The following GLRA3 variants were observed in gnomAD, a reference collection of about 807,000 sequenced individuals.
GLRA3 encodes the protein glycine receptor alpha 3.
Under a neutral mutation model 60.4 loss-of-function variants are expected in GLRA3, and 44 were observed. That is an observed-to-expected ratio of 0.73 (90% CI 0.57 to 0.94). The LOEUF is 0.94. Among genes scored for constraint, GLRA3 ranks in the 40% least tolerant of loss-of-function variants. The probability of loss-of-function intolerance (pLI) is 0.00; values close to 1 mark genes in which losing one functional copy is unlikely to be tolerated. For missense variants in GLRA3, 508 were observed against 564.6 expected (o/e 0.90, Z 1.02); for synonymous variants, 223 against 192.9 (o/e 1.16, Z -1.29).
chr4:174,700,776 T>C (rs1420833853), intron 5 of GLRA3, among the ~76,000 whole-genome samples: 2 of 152,154 alleles, frequency 1.3e-5, no homozygotes, highest in Admixed American at 6.5e-5. Context: ...GTTTGAGTGG[T>C]CTGCATAGAT....
chr4:174,745,403 C>T (rs1014828529), intron 3 of GLRA3, among the ~76,000 whole-genome samples: 10 of 152,122 alleles, frequency 6.6e-5, no homozygotes, highest in African/African-American at 2.4e-4. Flanking sequence ...AGAAAAGCAT[C>T]TAGTCACCCC....
intron 5 of GLRA3, among the ~76,000 whole-genome samples, chr4:174,698,193 T>C (rs1190206012): frequency 6.6e-6 from 1 of 152,068 alleles, no homozygotes; most frequent in Non-Finnish European, 1.5e-5. Flanking sequence ...ATTTTTGATA[T>C]ATTTATATAT....
At chr4:174,799,351 GGCAGT>G (rs1739717074) in intron 1 of GLRA3, among the ~76,000 whole-genome samples, 1 of 152,172 alleles carries the variant, frequency 6.6e-6, no homozygotes, top group African/African-American at 2.4e-5. Context: ...AAAGTGCCAT[GGCAGT>G]GCTAAAAACA....
chr4:174,786,955 T>C (rs1047161013), intron 2 of GLRA3, among the ~76,000 whole-genome samples: 3 of 152,142 alleles, frequency 2.0e-5, no homozygotes, highest in Non-Finnish European at 4.4e-5. Context: ...ATCAGCTTGT[T>C]TTTAGGAATA....
chr4:174,710,448 T>C (rs1219078131), intron 5 of GLRA3, among the ~76,000 whole-genome samples: 2 of 152,148 alleles, frequency 1.3e-5, no homozygotes, highest in Non-Finnish European at 2.9e-5. Context: ...GTTCTCCCGA[T>C]TGAGAGGAAA....
At chr4:174,740,415 A>T (rs1333476132) in intron 3 of GLRA3, among the ~76,000 whole-genome samples, 1 of 152,096 alleles carries the variant, frequency 6.6e-6, no homozygotes, top group African/African-American at 2.4e-5. Flanking sequence ...CTGGGTCCAG[A>T]TTTCCAGGCT....
At chr4:174,819,373 T>C (rs1740642424) in intron 1 of GLRA3, among the ~76,000 whole-genome samples, 1 of 152,206 alleles carries the variant, frequency 6.6e-6, no homozygotes, top group Admixed American at 6.5e-5. Context: ...TGGATTTATT[T>C]GAAAAGAAAA....
chr4:174,756,048 A>G (rs1298512563), intron 3 of GLRA3, among the ~76,000 whole-genome samples: 2 of 152,172 alleles, frequency 1.3e-5, no homozygotes, highest in African/African-American at 4.8e-5. Flanking sequence ...CAAAACTATT[A>G]CAAAACTGAT....
At chr4:174,690,737 C>T (rs1022279720) in intron 5 of GLRA3, among the ~76,000 whole-genome samples, 1 of 152,164 alleles carries the variant, frequency 6.6e-6, no homozygotes, top group African/African-American at 2.4e-5. Flanking sequence ...TTGGTTCCCA[C>T]TTATAAGTGA....
At chr4:174,708,775 C>A (rs1430851327) in intron 5 of GLRA3, among the ~76,000 whole-genome samples, 2 of 149,206 alleles carry the variant, frequency 1.3e-5, no homozygotes, top group East Asian at 3.9e-4. Flanking sequence ...AAATTATTAT[C>A]CAATGTTTTT....
chr4:174,760,795 T>C (rs139462466), intron 3 of GLRA3, among the ~76,000 whole-genome samples: 69 of 152,282 alleles, frequency 4.5e-4, no homozygotes, highest in Non-Finnish European at 8.2e-4. Context: ...GCAGAGATGA[T>C]CTGTAGTATT....
At chr4:174,769,608 G>T (rs1738301301) in intron 2 of GLRA3, among the ~76,000 whole-genome samples, 1 of 152,010 alleles carries the variant, frequency 6.6e-6, no homozygotes, top group African/African-American at 2.4e-5. Flanking sequence ...TTTTGCTCTG[G>T]TTCAAAGCAA....
chr4:174,680,351 T>C (rs1349949682), intron 6 of GLRA3, among the ~76,000 whole-genome samples: 1 of 151,942 alleles, frequency 6.6e-6, no homozygotes, highest in East Asian at 1.9e-4. Flanking sequence ...AGAATAAATA[T>C]AATACAAACT....
intron 4 of GLRA3, among the ~76,000 whole-genome samples, chr4:174,723,564 G>C (rs1362982835): frequency 6.6e-6 from 1 of 151,956 alleles, no homozygotes; most frequent in African/African-American, 2.4e-5. Context: ...AAATAATCTA[G>C]ATATTCTATC....
intron 8 of GLRA3, among the ~76,000 whole-genome samples, chr4:174,658,454 G>A (rs768534231): frequency 6.6e-6 from 1 of 152,060 alleles, no homozygotes; most frequent in Non-Finnish European, 1.5e-5. Flanking sequence ...ACTTCCTACG[G>A]TGTCTTCATG....
intron 2 of GLRA3, among the ~76,000 whole-genome samples, chr4:174,778,715 G>A (rs111284751): frequency 1.5e-4 from 23 of 152,254 alleles, no homozygotes; most frequent in African/African-American, 5.1e-4. Context: ...AAGGGGTGAC[G>A]CACCTGGAAA....
chr4:174,713,633 T>C (rs1358914028), intron 5 of GLRA3: 1 of 152,242 alleles, frequency 6.6e-6, no homozygotes, highest in Non-Finnish European at 1.5e-5. Context: ...TACACAGAAC[T>C]CCTTCACAGT....
chr4:174,653,948 T>C (rs990560832), intron 9 of GLRA3, among the ~76,000 whole-genome samples: 5 of 152,134 alleles, frequency 3.3e-5, no homozygotes, highest in Non-Finnish European at 5.9e-5. Context: ...AGGGAATAAC[T>C]GAAGTCTTGC....
intron 9 of GLRA3, among the ~76,000 whole-genome samples, chr4:174,650,356 T>G (rs898352950): frequency 2.0e-5 from 3 of 152,120 alleles, no homozygotes; most frequent in Non-Finnish European, 2.9e-5. Context: ...GCCAAGCTGG[T>G]CCCTCTGAGG....
Sources: gnomAD v4.1 joint callset for allele counts (sites outside exome capture counted in the v4.1 genomes callset) on GRCh38, gnomAD v4.1.1 for gene constraint, MANE v1.5 for transcripts, NCBI Gene and HGNC (gene_info 2026-07-23, HGNC 2026-07-21) for gene names.